Variants in TUSC3 observed in about 807,000 individuals in gnomAD.
TUSC3 encodes tumor suppressor candidate 3.
A neutral mutation model predicts 44.8 loss-of-function variants in TUSC3; 45 were observed. The ratio of observed to expected loss-of-function variants is 1.00; its 90% CI spans 0.79 to 1.29. The LOEUF (loss-of-function observed/expected upper bound fraction) is 1.29. Among genes scored for constraint, TUSC3 ranks in the 50% most tolerant of loss-of-function variants. The pLI is 0.00. For missense variants in TUSC3, 519 were observed against 437.9 expected, an observed-to-expected ratio of 1.19 and a Z score of -1.65; for synonymous variants, 212 against 152.9, an observed-to-expected ratio of 1.39 and a Z score of -2.85.
intron 1 of TUSC3, among the ~76,000 whole-genome samples, chr8:15,621,230 G>C (rs1805230431): frequency 6.6e-6 from 1 of 151,514 alleles, no homozygotes; most frequent in South Asian, 2.1e-4. Context: ...AATTTATATA[G>C]TAAGTTGGTT....
chr8:15,425,452 C>A (rs1367014496), intron 1 of TUSC3, among the ~76,000 whole-genome samples: 2 of 152,150 alleles, frequency 1.3e-5, no homozygotes, highest in South Asian at 2.1e-4. Flanking sequence ...ACTTCTGGAC[C>A]GAGAGAGAGA....
chr8:15,702,818 C>T (rs941030514), intron 6 of TUSC3, among the ~76,000 whole-genome samples: 9 of 152,118 alleles, frequency 5.9e-5, no homozygotes, highest in African/African-American at 2.2e-4. Context: ...ACTAACTTCT[C>T]TTTAGCTTTT....
At chr8:15,609,321 A>G (rs1323321516) in intron 1 of TUSC3, among the ~76,000 whole-genome samples, 2 of 152,180 alleles carry the variant, frequency 1.3e-5, no homozygotes, top group Admixed American at 6.6e-5. Flanking sequence ...ATGTATTACT[A>G]CAATAGAGTA....
chr8:15,752,489 C>G lies in TUSC3; in HGVS notation c.1028+4024C>G, dbSNP rs1811750147. Among the ~76,000 whole-genome samples the G allele has an allele frequency of 2.6e-5, 4 of 152,154 alleles. No homozygotes were observed. In the South Asian group the frequency reaches 8.3e-4, roughly 32 times the overall value. ...TTATGACAGTTCTCTAATTCAAATTCTAGATGTTTGCAAAACTAATAATTA... is the reference window on the plus strand; with the variant it reads ...TTATGACAGTTCTCTAATTCAAATTGTAGATGTTTGCAAAACTAATAATTA... On this transcript the variant is annotated intron_variant, in intron 9 of 10. Coordinates refer to ENST00000503731, the MANE Select transcript of TUSC3 (RefSeq NM_006765.4).
chr8:15,595,162 T>TC (rs1804011664), intron 1 of TUSC3, among the ~76,000 whole-genome samples: 1 of 152,202 alleles, frequency 6.6e-6, no homozygotes, highest in Non-Finnish European at 1.5e-5. Flanking sequence ...GCTGGGCTCT[T>TC]AAGGCCGTTT....
At chr8:15,649,722 A>G (rs1281868237) in intron 2 of TUSC3, among the ~76,000 whole-genome samples, 1 of 152,010 alleles carries the variant, frequency 6.6e-6, no homozygotes, top group Non-Finnish European at 1.5e-5. Flanking sequence ...TTGAGAGTCT[A>G]ACTTCCTCTC....
At chr8:15,810,372 G>C in the TUSC3 span, among the ~76,000 whole-genome samples, 1 of 152,108 alleles carries the variant, frequency 6.6e-6, no homozygotes, top group Non-Finnish European at 1.5e-5. Context: ...GAATGGTGGC[G>C]TATGTCTATA....
intron 2 of TUSC3, among the ~76,000 whole-genome samples, chr8:15,650,396 A>G (rs1270077343): frequency 6.6e-6 from 1 of 152,154 alleles, no homozygotes; most frequent in Non-Finnish European, 1.5e-5. Flanking sequence ...AGGCTTTGTG[A>G]TACATGTAGT....
intron 1 of TUSC3, among the ~76,000 whole-genome samples, chr8:15,601,452 A>G (rs1251433340): frequency 1.3e-5 from 2 of 151,682 alleles, no homozygotes; most frequent in Non-Finnish European, 3.0e-5. Context: ...ACTCCCTTCT[A>G]GTGGCAAAGG....
At chr8:15,798,326 G>A in the TUSC3 span, among the ~76,000 whole-genome samples, 2 of 152,086 alleles carry the variant, frequency 1.3e-5, no homozygotes, top group Admixed American at 6.6e-5. Flanking sequence ...GTCTGCATAG[G>A]CTAGTTCCCT....
At position 15,549,086 on chromosome 8, in the gene TUSC3, A is replaced by T. The variant is rs1016048916; in HGVS notation, c.138+8518A>T. On this transcript the variant is annotated intron_variant, in intron 1 of 10. Coordinates refer to ENST00000503731, the MANE Select transcript of TUSC3 (RefSeq NM_006765.4). Reference sequence around the variant, plus strand: ...ATGTACCTTAAAAATTGTTAGTCCAAGGAATGGGTAGAAGAATAATTTATA... The same window carrying T: ...ATGTACCTTAAAAATTGTTAGTCCATGGAATGGGTAGAAGAATAATTTATA... 5.3e-5 allele frequency among the ~76,000 whole-genome samples: 8 copies of T among 151,930 alleles called. 1 individual carries two copies. Among genetic ancestry groups the T allele is most frequent in the Non-Finnish European group, 1.2e-4 (8 of 67,944 alleles).
intron 2 of TUSC3, among the ~76,000 whole-genome samples, chr8:15,534,093 G>A (rs1407517514): frequency 6.6e-6 from 1 of 152,144 alleles, no homozygotes; most frequent in Non-Finnish European, 1.5e-5. Context: ...TGGCAGGTGT[G>A]TGACCTAGTT....
chr8:15,494,748 G>T (rs1004317800), intron 2 of TUSC3, among the ~76,000 whole-genome samples: 21 of 152,144 alleles, frequency 1.4e-4, no homozygotes, highest in African/African-American at 4.6e-4. Flanking sequence ...GACTTTTCTG[G>T]ACTGTATTAT....
rs575660052 is a variant in TUSC3 at position 15,541,156 on chromosome 8, C to A, written c.138+588C>A. Among the ~76,000 whole-genome samples, 14 of 152,284 alleles carry A rather than the reference C, an allele frequency of 9.2e-5. No individual in the cohort carries two copies. The South Asian group carries it at 2.9e-3, about 32-fold the overall frequency. On this transcript the variant is annotated intron_variant, in intron 1 of 10. Transcript: ENST00000503731. ...CTGTATGTTTACTTTACGTTGAACT[C>A]AGTGTATACTTGTGAAAATAACCTG...
At chr8:15,513,430 T>A (rs910042903) in intron 2 of TUSC3, among the ~76,000 whole-genome samples, 2 of 152,328 alleles carry the variant, frequency 1.3e-5, no homozygotes, top group East Asian at 1.9e-4. Flanking sequence ...AACTGCAGAC[T>A]GTAATTTAAA....
intron 1 of TUSC3, among the ~76,000 whole-genome samples, chr8:15,425,718 C>A (rs1163645537): frequency 6.6e-6 from 1 of 152,216 alleles, no homozygotes; most frequent in African/African-American, 2.4e-5. Flanking sequence ...ACAAATCTCT[C>A]ATGGCTTTGA....
chr8:15,593,493 G>T (rs767377479), intron 1 of TUSC3, among the ~76,000 whole-genome samples: 14 of 152,046 alleles, frequency 9.2e-5, no homozygotes, highest in Non-Finnish European at 1.2e-4. Context: ...AGATATCCAA[G>T]TGAGCCATTA....
intron 2 of TUSC3, among the ~76,000 whole-genome samples, chr8:15,491,409 C>T (rs1482297752): frequency 1.3e-5 from 2 of 152,036 alleles, no homozygotes; most frequent in African/African-American, 4.8e-5. Context: ...TTGACTTTTC[C>T]CTTTGGCTTA....
chr8:15,689,791 A>C (rs1808814933), intron 6 of TUSC3, among the ~76,000 whole-genome samples: 1 of 138,166 alleles, frequency 7.2e-6, no homozygotes, highest in Non-Finnish European at 1.6e-5. Flanking sequence ...ACATGATCTC[A>C]TTCTTTTTTA....
Sources: allele counts gnomAD v4.1 joint callset (sites outside exome capture counted in the v4.1 genomes callset), GRCh38; gene constraint gnomAD v4.1.1; transcripts MANE v1.5; gene names NCBI Gene and HGNC (gene_info 2026-07-23, HGNC 2026-07-21).